The following CFAP298 variants were observed in gnomAD, a reference collection of about 807,000 sequenced individuals.
CFAP298 encodes cilia and flagella associated protein 298.
A neutral mutation model predicts 41.0 loss-of-function variants in CFAP298; 38 were observed. The observed-to-expected ratio is 0.93, with a 90% CI of 0.72 to 1.22. The LOEUF (loss-of-function observed/expected upper bound fraction) is 1.22. CFAP298 is among the 50% of genes most tolerant of loss of function. The probability of loss-of-function intolerance (pLI) is 0.00; values close to 1 mark genes in which losing one functional copy is unlikely to be tolerated. For missense variants in CFAP298, 348 were observed against 360.3 expected, an observed-to-expected ratio of 0.97 and a Z score of 0.28; for synonymous variants, 137 against 135.3, an observed-to-expected ratio of 1.01 and a Z score of -0.09.
At position 32,607,390 on chromosome 21, in the gene CFAP298, T is replaced by A. The variant is rs112325415; in HGVS notation, c.375+259A>T. ...AGGCGGATCACCTGAGGTCAGGAGTTCGAGACCAGCCTGACCAACATGGAG... is the reference window on the plus strand; with the variant it reads ...AGGCGGATCACCTGAGGTCAGGAGTACGAGACCAGCCTGACCAACATGGAG... On this transcript the variant is annotated intron_variant, in intron 3 of 6. Coordinates refer to ENST00000290155, the MANE Select transcript of CFAP298 (RefSeq NM_021254.4). Among the ~76,000 whole-genome samples, 332 of 152,142 alleles carry A rather than the reference T, an allele frequency of 2.2e-3. 4 individuals carry two copies. The highest frequency in any genetic ancestry group is 7.7e-3 in the African/African-American group (319 of 41,494).
rs562458229 is a variant in CFAP298, at chr21:32,600,748, G to A, written c.*1115C>T. 3.4e-4 allele frequency among the ~76,000 whole-genome samples: 52 copies of A among 152,320 alleles called. No homozygotes were observed. The highest frequency in any genetic ancestry group is 1.2e-3 in the African/African-American group (51 of 41,572). On this transcript the variant is annotated 3_prime_UTR_variant, in exon 7 of 7. Transcript: ENST00000290155. ...ATCCCGTGGTTGGTCACTGAGCTGC[G>A]TACGAAGCTGGCCTAGAATCAGACC... is the stretch of plus-strand genomic sequence containing the variant.
intron 3 of CFAP298, among the ~76,000 whole-genome samples, chr21:32,605,765 C>A (rs1213007295): frequency 6.6e-6 from 1 of 152,184 alleles, no homozygotes; most frequent in East Asian, 1.9e-4. Context: ...TGATCTCACC[C>A]TTTAACTTTT....
chr21:32,602,532 G>C lies in CFAP298; in HGVS notation c.667-165C>G, dbSNP rs542143068. On this transcript the variant is annotated intron_variant, in intron 5 of 6. Transcript: ENST00000290155. The stretch of plus-strand genomic sequence containing the variant: ...AAGCATCAAGGGAAGCCTTGGTCTT[G>C]AGCAGCCCTGAGCCCTGGACTCTCA... The C allele has an allele frequency of 3.1e-5, 44 of 1,429,238 alleles. 1 individual carries two copies. The South Asian group carries it at 5.1e-4, about 17-fold the overall frequency. 88.5% of individuals were successfully genotyped at this position (1,429,238 alleles called of 1,614,324 possible).
At chr21:32,611,933 T>G (rs2039009255) in intron 1 of CFAP298, among the ~76,000 whole-genome samples, 172 bp downstream of exon 1, 1 of 152,082 alleles carries the variant, frequency 6.6e-6, no homozygotes, top group African/African-American at 2.4e-5. Flanking sequence ...CCGGATCTTC[T>G]CCGGTTCCTT....
At position 32,604,268 on chromosome 21, in the gene CFAP298, C is replaced by T. The variant is rs142517552; in HGVS notation, c.391G>A (p.Gly131Ser). Residue 131 changes from glycine to serine, a missense_variant, in exon 4 of 7, where the codon GGT becomes AGT. Gly to Ser is a moderately conservative substitution (Grantham distance 56, BLOSUM62 0). Transcript: ENST00000290155. ...AIISKKQVEAGVCVTMEMVKD... is the reference protein window; with the variant it reads ...AIISKKQVEASVCVTMEMVKD... Reference sequence around the variant, plus strand: ...ACCATCTCCATGGTAACACAGACACCGGCTTCCACTTGTTTCTGCAAGCAG... The same window carrying T: ...ACCATCTCCATGGTAACACAGACACTGGCTTCCACTTGTTTCTGCAAGCAG... 67 of 1,614,052 alleles carry T rather than the reference C, an allele frequency of 4.2e-5. No individual in the cohort carries two copies. The African/African-American group carries it at 6.7e-4, about 16-fold the overall frequency.
chr21:32,603,206 G>A lies in CFAP298; in HGVS notation c.621C>T (p.Tyr207=), dbSNP rs759913057. ...TTTTGGTTTTTTCATTCTTCCCCACGTAGTCTGAAAGCTTCTTCGTTCTTC... is the reference window on the plus strand; with the variant it reads ...TTTTGGTTTTTTCATTCTTCCCCACATAGTCTGAAAGCTTCTTCGTTCTTC... ...ELRRTKKLSD[Y]VGKNEKTKII... Residue 207 remains tyrosine, a synonymous_variant, in exon 5 of 7, where the codon TAC becomes TAT. Transcript: ENST00000290155. 4.1e-5 allele frequency: 66 copies of A among 1,614,022 alleles called. No individual in the cohort carries two copies. Among genetic ancestry groups the A allele is most frequent in the Non-Finnish European group, 5.0e-5 (59 of 1,180,012 alleles).
intron 4 of CFAP298, among the ~76,000 whole-genome samples, chr21:32,603,597 C>T (rs2038802177): frequency 6.6e-6 from 1 of 152,190 alleles, no homozygotes; most frequent in African/African-American, 2.4e-5. Context: ...AGGGCACTGG[C>T]ATCGTGCTGG....
At chr21:32,602,915 G>T (rs2038777241) in intron 5 of CFAP298, 2 of 1,195,980 alleles carry the variant, frequency 1.7e-6, no homozygotes, top group Non-Finnish European at 1.1e-6. Context: ...TTTTACGCTT[G>T]AAATTAACAT....
chr21:32,602,662 G>A (rs866210204), intron 5 of CFAP298: 17 of 1,260,144 alleles, frequency 1.3e-5, no homozygotes, highest in Non-Finnish European at 7.0e-6. Flanking sequence ...TCAGAGCCAC[G>A]GACTCTGGAT....
At chr21:32,602,858 C>A (rs947233415) in intron 5 of CFAP298, 1 of 1,407,084 alleles carries the variant, frequency 7.1e-7, no homozygotes, top group African/African-American at 1.4e-5. Flanking sequence ...CAGTGACGGG[C>A]GAAATTTTAC....
At position 32,604,384 on chromosome 21, in the gene CFAP298, C is replaced by A; in HGVS notation, c.376-101G>T. 2.2e-6 allele frequency: 3 copies of A among 1,350,808 alleles called. No homozygotes were observed. The South Asian group carries it at 3.7e-5, about 17-fold the overall frequency. The allele number at this position is 1,350,808 out of a possible 1,614,324, so 83.7% of individuals were successfully genotyped here. A position where few individuals can be genotyped will look rare whatever the true frequency, so the allele number is the denominator to read the frequency against. On this transcript the variant is annotated intron_variant, in intron 3 of 6. Coordinates refer to ENST00000290155, the MANE Select transcript of CFAP298 (RefSeq NM_021254.4). ...CCCTTGCCAGATACTGCCAGAGCAA[C>A]AAAAAGAAATCAAACAGTTCTTGCT...
In CFAP298 at chr21:32,612,323, G is replaced by A. The variant is rs2146578192; in HGVS notation, c.-80C>T. Reference sequence around the variant, plus strand: ...GGGTCCTGCCGGCCGAGGGTCGCCGGATCGCCAGCAGCTGCGACGCACTAA... The same window carrying A: ...GGGTCCTGCCGGCCGAGGGTCGCCGAATCGCCAGCAGCTGCGACGCACTAA... On this transcript the variant is annotated 5_prime_UTR_variant, in exon 1 of 7. Coordinates refer to ENST00000290155, the MANE Select transcript of CFAP298 (RefSeq NM_021254.4). The A allele has an allele frequency of 4.8e-6, 7 of 1,466,104 alleles. No homozygotes were observed. The highest frequency in any genetic ancestry group is 1.4e-5 in the African/African-American group (1 of 70,202). The allele number at this position is 1,466,104 out of a possible 1,614,324, so 90.8% of individuals were successfully genotyped here.
At chr21:32,603,393 C>G (rs186288494) in intron 4 of CFAP298, 101 bp from the exon 5 acceptor site, 2 of 1,315,600 alleles carry the variant, frequency 1.5e-6, no homozygotes, top group Admixed American at 2.1e-5. Flanking sequence ...GATTTCTCCC[C>G]GTGCTCACCA....
At chr21:32,607,105 C>T (rs2038881975) in intron 3 of CFAP298, among the ~76,000 whole-genome samples, 1 of 152,098 alleles carries the variant, frequency 6.6e-6, no homozygotes, top group African/African-American at 2.4e-5. Context: ...TATACGTGAA[C>T]CTATATTTAC....
chr21:32,602,592 C>T, intron 5 of CFAP298: 4 of 1,352,872 alleles, frequency 3.0e-6, no homozygotes, highest in Non-Finnish European at 3.8e-6. Flanking sequence ...GATACCATCT[C>T]TGTCTTGACC....
At chr21:32,609,562 C>T (rs562136198) in intron 2 of CFAP298, among the ~76,000 whole-genome samples, 7 of 152,172 alleles carry the variant, frequency 4.6e-5, no homozygotes, top group Non-Finnish European at 8.8e-5. Flanking sequence ...GTCACGAGTT[C>T]GAGACCAGCC....
At chr21:32,603,411 C>T in intron 4 of CFAP298, 119 bp from the exon 5 acceptor site, 1 of 1,041,344 alleles carries the variant, frequency 9.6e-7, no homozygotes, top group African/African-American at 1.6e-5. Flanking sequence ...CCATGGGAGG[C>T]CTGACTCCCG....
Position 32,612,331 on chromosome 21 carries a change from G to T in CFAP298, c.-88C>A. The stretch of plus-strand genomic sequence containing the variant: ...CCGGCCGAGGGTCGCCGGATCGCCA[G>T]CAGCTGCGACGCACTAACAGCCGCT... On this transcript the variant is annotated 5_prime_UTR_variant, in exon 1 of 7. The change creates a new upstream start codon in the 5' untranslated region. Transcript: ENST00000290155. 1 of 1,457,628 alleles carries T rather than the reference G, an allele frequency of 6.9e-7. No homozygotes were observed. Among genetic ancestry groups the T allele is most frequent in the African/African-American group, 1.4e-5 (1 of 69,968 alleles). The allele number at this position is 1,457,628 out of a possible 1,614,324, so 90.3% of individuals were successfully genotyped here. A position where few individuals can be genotyped will look rare whatever the true frequency, so the allele number is the denominator to read the frequency against.
chr21:32,611,341 T>TATATATATATATACATATATATA (rs1491095261), intron 1 of CFAP298, among the ~76,000 whole-genome samples: 1 of 118,454 alleles, frequency 8.4e-6, no homozygotes, highest in African/African-American at 4.1e-5. Context: ...ATATATATAA[T>TATATATATATATACATATATATA]TTATTTATAT....
Sources: gnomAD v4.1 joint callset for allele counts (sites outside exome capture counted in the v4.1 genomes callset) on GRCh38, gnomAD v4.1.1 for gene constraint, MANE v1.5 for transcripts, NCBI Gene and HGNC (gene_info 2026-07-23, HGNC 2026-07-21) for gene names.